Variants in OCM2 observed in about 807,000 individuals in gnomAD.
The protein encoded by OCM2 is oncomodulin 2, also known as oncomodulin-2.
OCM2 carries 6 observed loss-of-function variants against 13.6 expected under a neutral mutation model. The ratio of observed to expected loss-of-function variants is 0.44; its 90% CI spans 0.24 to 0.87. OCM2 has a LOEUF of 0.87. OCM2 is among the 40% of genes least tolerant of loss of function. The probability of loss-of-function intolerance (pLI) is 0.22; values close to 1 mark genes in which losing one functional copy is unlikely to be tolerated. For synonymous variants in OCM2, 40 were observed against 50.7 expected (o/e 0.79, Z 0.90); for missense variants, 118 against 136.8 (o/e 0.86, Z 0.68).
rs145989167 is a variant in OCM2 at position 97,988,516 on chromosome 7, G to A, written c.94C>T (p.Gln32Ter). The change falls in exon 2 of 4, where the codon CAG becomes TAG. Residue 32 changes from glutamine to a stop codon, truncating the protein, a stop_gained. Transcript: ENST00000257627. LOFTEE classifies it high-confidence loss of function. ...GACATCTTGGAGAGGCCTGACGTCT[G>A]GAAGAATTTTTGGGGTTCAAAAGTG... is the stretch of plus-strand genomic sequence containing the variant. 351 of 1,614,160 alleles carry A rather than the reference G, an allele frequency of 2.2e-4. No homozygotes were observed. The African/African-American group carries it at 4.3e-3, about 20-fold the overall frequency.
intron 2 of OCM2, 44 bp from the exon 3 acceptor site, chr7:97,987,200 G>T (rs1353849497): frequency 6.2e-7 from 1 of 1,610,302 alleles, no homozygotes; most frequent in Non-Finnish European, 8.5e-7. Context: ...AAAAGGTCGT[G>T]CATCCCTGTG....
intron 2 of OCM2, 77 bp from the exon 3 acceptor site, chr7:97,987,233 A>C: frequency 6.4e-7 from 1 of 1,550,554 alleles, no homozygotes; most frequent in Non-Finnish European, 8.8e-7. Context: ...TTTTTCCTTT[A>C]AGCATATCAT....
At chr7:97,987,823 C>T (rs560041076) in intron 2 of OCM2, among the ~76,000 whole-genome samples, 4 of 152,038 alleles carry the variant, frequency 2.6e-5, no homozygotes, top group Non-Finnish European at 5.9e-5. Flanking sequence ...GCTGGAATTA[C>T]AGGCGTGAGC....
At chr7:97,990,020 A>AGGGGGG in intron 1 of OCM2, 24 bp downstream of exon 1, 3 of 644,624 alleles carry the variant, frequency 4.7e-6, no homozygotes, top group Non-Finnish European at 8.2e-6. Flanking sequence ...AGGAAATCCC[A>AGGGGGG]CCCCCGCCCC....
chr7:97,985,216 C>T (rs1584168907), intron 3 of OCM2, among the ~76,000 whole-genome samples: 1 of 151,930 alleles, frequency 6.6e-6, no homozygotes, highest in African/African-American at 2.4e-5. Context: ...ATCATGAGAT[C>T]GAAACCATCC....
chr7:97,990,016 T>TGGCACCCCCCCCC, intron 1 of OCM2, 28 bp downstream of exon 1: 1 of 1,083,838 alleles, frequency 9.2e-7, no homozygotes, highest in Non-Finnish European at 1.4e-6. Context: ...TGTGAGGAAA[T>TGGCACCCCCCCCC]CCCACCCCCG....
chr7:97,987,470 C>T lies in OCM2; in HGVS notation c.195-314G>A, dbSNP rs569939863. On this transcript the variant is annotated intron_variant, in intron 2 of 3. Transcript: ENST00000257627. ...AATCAATCCTTCTGCCTCAACCTCC[C>T]GAGTAGCTGGGACTAAAGGTGCACC... Among the ~76,000 whole-genome samples the T allele has an allele frequency of 5.3e-5, 8 of 151,788 alleles. No homozygotes were observed. The East Asian group carries it at 9.8e-4, about 19-fold the overall frequency.
chr7:97,985,289 T>G (rs183567465), intron 3 of OCM2, among the ~76,000 whole-genome samples: 42 of 151,864 alleles, frequency 2.8e-4, no homozygotes, highest in African/African-American at 8.4e-4. Flanking sequence ...CGTGGTGGCA[T>G]GTGCCTGTAG....
intron 2 of OCM2, 89 bp downstream of exon 2, chr7:97,988,327 T>G: frequency 6.6e-7 from 1 of 1,523,912 alleles, no homozygotes; most frequent in Non-Finnish European, 8.9e-7. Flanking sequence ...AGGCTGGCCA[T>G]TGAAGAAATA....
At chr7:97,985,434 AG>A (rs1417609943) in intron 3 of OCM2, among the ~76,000 whole-genome samples, 5 of 127,738 alleles carry the variant, frequency 3.9e-5, no homozygotes, top group East Asian at 4.6e-4. Flanking sequence ...AAAAAAAAAA[AG>A]AAAGAAAGAA....
intron 2 of OCM2, among the ~76,000 whole-genome samples, chr7:97,987,616 A>C (rs1263651665): frequency 1.3e-5 from 2 of 151,950 alleles, no homozygotes; most frequent in Non-Finnish European, 2.9e-5. Context: ...AGCCTCCCAA[A>C]GGGCTGGGAT....
Position 97,988,558 on chromosome 7 carries a change from A to G in OCM2, c.62-10T>C. ...TCAAAAGTGTCTGGGTCTGAAGAAC[A>G]GAGAATGGGTTATTCTGACACTCAT... On this transcript the variant is annotated splice_polypyrimidine_tract_variant and intron_variant, in intron 1 of 3. Transcript: ENST00000257627. 1.2e-6 allele frequency: 2 copies of G among 1,614,178 alleles called. No homozygotes were observed. The highest frequency in any genetic ancestry group is 1.7e-6 in the Non-Finnish European group (2 of 1,180,018).
Position 97,990,114 on chromosome 7 carries a change from A to C in OCM2, c.-10T>G. 6.2e-7 allele frequency: 1 copy of C among 1,610,184 alleles called. No individual in the cohort carries two copies. Among genetic ancestry groups the C allele is most frequent in the Non-Finnish European group, 8.5e-7 (1 of 1,179,160 alleles). On this transcript the variant is annotated 5_prime_UTR_variant, in exon 1 of 4. It removes the in-frame stop codon of an upstream open reading frame in the 5' UTR. Transcript: ENST00000257627. ...CGTCCGTGATGCTCATTTTCTACCT[A>C]CTCACACAGAATAAACGAGAGGCGA...
chr7:97,985,431 A>AAAAAAGAAAGAAAG (rs757682710), intron 3 of OCM2, among the ~76,000 whole-genome samples: 2 of 131,500 alleles, frequency 1.5e-5, no homozygotes, highest in Non-Finnish European at 3.1e-5. Flanking sequence ...AAAAAAAAAA[A>AAAAAAGAAAGAAAG]AAAGAAAGAA....
intron 3 of OCM2, among the ~76,000 whole-genome samples, chr7:97,985,431 A>AAAAAAGAAAGAAAGAAAG (rs757682710): frequency 7.6e-6 from 1 of 131,500 alleles, no homozygotes; most frequent in Non-Finnish European, 1.6e-5. Flanking sequence ...AAAAAAAAAA[A>AAAAAAGAAAGAAAGAAAG]AAAGAAAGAA....
At chr7:97,990,134 A>G (rs1290327847) in exon 1 of OCM2, 1 of 1,610,204 alleles carries the variant, frequency 6.2e-7, no homozygotes, top group South Asian at 1.1e-5. Context: ...AATAAACGAG[A>G]GGCGATAAGC....
At chr7:97,990,093 C>T (rs143469834) in exon 1 of OCM2, 19 of 1,613,248 alleles carry the variant, frequency 1.2e-5, no homozygotes, top group Non-Finnish European at 1.4e-5. Context: ...TGAGCACGTC[C>T]GTGATGCTCA....
At chr7:97,987,052 G>T (rs749925220) in exon 3 of OCM2, 1 of 1,613,152 alleles carries the variant, frequency 6.2e-7, no homozygotes, top group Non-Finnish European at 8.5e-7. Flanking sequence ...CATACCCTCT[G>T]CTCCAATTTT....
At chr7:97,985,384 A>G (rs1017398626) in intron 3 of OCM2, among the ~76,000 whole-genome samples, 3 of 146,724 alleles carry the variant, frequency 2.0e-5, no homozygotes, top group Non-Finnish European at 4.5e-5. Context: ...ATGCCACTGC[A>G]CTCTAGCCTG....
Sources: gnomAD v4.1 joint callset for allele counts (sites outside exome capture counted in the v4.1 genomes callset) on GRCh38, gnomAD v4.1.1 for gene constraint, MANE v1.5 for transcripts, NCBI Gene and HGNC (gene_info 2026-07-23, HGNC 2026-07-21) for gene names.